Variants in ZNF385B observed in about 807,000 individuals in gnomAD.
ZNF385B encodes the protein zinc finger protein 385B, also known as zinc finger protein 533.
A neutral mutation model predicts 39.2 loss-of-function variants in ZNF385B; 23 were observed. That is an observed-to-expected ratio of 0.59 (90% confidence interval 0.42 to 0.83). The LOEUF is 0.83. ZNF385B is among the 40% of genes least tolerant of loss of function. The probability of loss-of-function intolerance (pLI) is 0.00; values close to 1 mark genes in which losing one functional copy is unlikely to be tolerated. For synonymous variants in ZNF385B, 205 were observed against 222.6 expected, an observed-to-expected ratio of 0.92 and a Z score of 0.70; for missense variants, 552 against 598.9, an observed-to-expected ratio of 0.92 and a Z score of 0.82.
Position 179,648,787 on chromosome 2 carries a change from T to G in ZNF385B, c.299-103818A>C, listed in dbSNP as rs148615511. On this transcript the variant is annotated intron_variant, in intron 3 of 9. Transcript: ENST00000410066. Reference sequence around the variant, plus strand: ...TCCCTCTGGCCCAATCTGGGAAAATTTGCACATCAAAATAATTGATGATAG... The same window carrying G: ...TCCCTCTGGCCCAATCTGGGAAAATGTGCACATCAAAATAATTGATGATAG... Among the ~76,000 whole-genome samples, 436 of 152,078 alleles carry G rather than the reference T, an allele frequency of 2.9e-3. 2 individuals carry two copies. The highest frequency in any genetic ancestry group is 9.9e-3 in the African/African-American group (411 of 41,474).
At chr2:179,691,052 T>C (rs1698317074) in intron 3 of ZNF385B, among the ~76,000 whole-genome samples, 1 of 152,202 alleles carries the variant, frequency 6.6e-6, no homozygotes, top group Admixed American at 6.5e-5. Context: ...ACCTCTGTCA[T>C]GTTTCCCTTT....
intron 5 of ZNF385B, among the ~76,000 whole-genome samples, 160 bp downstream of exon 5, chr2:179,518,368 A>T (rs2058236220): frequency 6.6e-6 from 1 of 152,206 alleles, no homozygotes; most frequent in Admixed American, 6.5e-5. Flanking sequence ...AGTTTTAGGC[A>T]TTGAACCCAA....
chr2:179,780,935 G>A (rs1299209509), intron 1 of ZNF385B, among the ~76,000 whole-genome samples: 1 of 152,086 alleles, frequency 6.6e-6, no homozygotes, highest in Non-Finnish European at 1.5e-5. Context: ...TTTTCCCAGG[G>A]AAAATGCTAA....
At chr2:179,689,989 T>G (rs1698234151) in intron 3 of ZNF385B, among the ~76,000 whole-genome samples, 1 of 152,174 alleles carries the variant, frequency 6.6e-6, no homozygotes, top group Non-Finnish European at 1.5e-5. Context: ...GGAACAATAA[T>G]TGATTCCAGC....
chr2:179,671,447 A>G (rs974550803), intron 3 of ZNF385B, among the ~76,000 whole-genome samples: 1 of 152,224 alleles, frequency 6.6e-6, no homozygotes, highest in Non-Finnish European at 1.5e-5. Context: ...TATATTGAAA[A>G]GCATATTCAA....
At chr2:179,549,151 C>G (rs751048720) in intron 3 of ZNF385B, among the ~76,000 whole-genome samples, 4 of 149,502 alleles carry the variant, frequency 2.7e-5, no homozygotes, top group Non-Finnish European at 4.4e-5. Flanking sequence ...GAATTTCATT[C>G]ATTTTTAAGG....
At chr2:179,467,920 T>C (rs1438919190) in intron 6 of ZNF385B, among the ~76,000 whole-genome samples, 1 of 152,184 alleles carries the variant, frequency 6.6e-6, no homozygotes, top group Non-Finnish European at 1.5e-5. Flanking sequence ...TACTCACATC[T>C]TCTGGTAATT....
intron 1 of ZNF385B, among the ~76,000 whole-genome samples, chr2:179,844,917 C>T (rs1261560649): frequency 6.6e-6 from 1 of 152,128 alleles, no homozygotes; most frequent in East Asian, 1.9e-4. Flanking sequence ...CTTAAAGAAC[C>T]ATGTCCAGGA....
chr2:179,657,736 GACA>G (rs899822999), intron 3 of ZNF385B, among the ~76,000 whole-genome samples: 4 of 152,178 alleles, frequency 2.6e-5, no homozygotes, highest in Non-Finnish European at 5.9e-5. Context: ...AATTTAGTAA[GACA>G]ACAATAATTG....
At chr2:179,689,066 T>C (rs1009292991) in intron 3 of ZNF385B, among the ~76,000 whole-genome samples, 3 of 152,228 alleles carry the variant, frequency 2.0e-5, no homozygotes, top group Admixed American at 6.5e-5. Flanking sequence ...TAGAGGATGA[T>C]GTGTCAATAA....
chr2:179,695,638 A>G (rs1698681132), intron 3 of ZNF385B, among the ~76,000 whole-genome samples: 1 of 152,216 alleles, frequency 6.6e-6, no homozygotes. Flanking sequence ...ACAAATGAAA[A>G]CCACAATGAG....
chr2:179,472,027 AT>A (rs1257026609), intron 6 of ZNF385B, among the ~76,000 whole-genome samples: 1 of 152,060 alleles, frequency 6.6e-6, no homozygotes, highest in Non-Finnish European at 1.5e-5. Flanking sequence ...ATAATATTTT[AT>A]TTTTCTTGCT....
At chr2:179,848,226 G>A (rs1436813239) in intron 1 of ZNF385B, among the ~76,000 whole-genome samples, 1 of 152,166 alleles carries the variant, frequency 6.6e-6, no homozygotes, top group African/African-American at 2.4e-5. Flanking sequence ...GTATCTCAGA[G>A]GTACAGGTTT....
chr2:179,853,033 C>T (rs550266563), intron 1 of ZNF385B, among the ~76,000 whole-genome samples: 63 of 152,292 alleles, frequency 4.1e-4, no homozygotes, highest in African/African-American at 1.4e-3. Flanking sequence ...AAGAACCATA[C>T]ATGCAGTAAT....
At chr2:179,800,725 G>T (rs1293202506) in intron 1 of ZNF385B, among the ~76,000 whole-genome samples, 1 of 152,004 alleles carries the variant, frequency 6.6e-6, no homozygotes, top group Non-Finnish European at 1.5e-5. Context: ...GAAGCAGAGA[G>T]AATAGGTCAA....
At chr2:179,696,072 G>C (rs1350671002) in intron 3 of ZNF385B, among the ~76,000 whole-genome samples, 2 of 152,132 alleles carry the variant, frequency 1.3e-5, no homozygotes, top group African/African-American at 4.8e-5. Context: ...AATCTATAGA[G>C]ACAGAAAGAT....
At chr2:179,633,939 G>A (rs999725682) in intron 3 of ZNF385B, among the ~76,000 whole-genome samples, 8 of 152,072 alleles carry the variant, frequency 5.3e-5, no homozygotes, top group Non-Finnish European at 7.4e-5. Flanking sequence ...ACAAACCTGA[G>A]AAAAACAAGC....
intron 5 of ZNF385B, among the ~76,000 whole-genome samples, chr2:179,489,502 T>G (rs950553995): frequency 1.3e-5 from 2 of 152,224 alleles, no homozygotes; most frequent in African/African-American, 4.8e-5. Flanking sequence ...ATATTGAAGC[T>G]TTAATAATTA....
chr2:179,466,254 A>G (rs1204578666), intron 6 of ZNF385B, among the ~76,000 whole-genome samples: 4 of 152,116 alleles, frequency 2.6e-5, no homozygotes, highest in African/African-American at 9.7e-5. Context: ...TAGTATTTTG[A>G]TGTTTGATGA....
Sources: gnomAD v4.1 joint callset for allele counts (sites outside exome capture counted in the v4.1 genomes callset) on GRCh38, gnomAD v4.1.1 for gene constraint, MANE v1.5 for transcripts, NCBI Gene and HGNC (gene_info 2026-07-23, HGNC 2026-07-21) for gene names.